CDH13: variants seen among roughly 807,000 people sequenced by gnomAD.
CDH13 encodes the protein cadherin-13.
CDH13 carries 24 observed loss-of-function variants against 63.8 expected under a neutral mutation model. That is an observed-to-expected ratio of 0.38 (90% CI 0.27 to 0.53). The LOEUF (loss-of-function observed/expected upper bound fraction) is 0.53. CDH13 is among the 20% of genes least tolerant of loss of function. The pLI is 0.85. For missense variants in CDH13, 1,049 were observed against 903.1 expected (o/e 1.16, Z -2.07); for synonymous variants, 503 against 355.3 (o/e 1.42, Z -4.67).
At chr16:83,579,118 C>A (rs118005627) in intron 7 of CDH13, among the ~76,000 whole-genome samples, 2,963 of 152,240 alleles carry the variant, frequency 0.019, 173 homozygotes, top group Admixed American at 0.13. Context: ...TTGTCCAGGC[C>A]CACAGTAAGA....
chr16:82,976,473 C>G (rs1002473946), intron 2 of CDH13, among the ~76,000 whole-genome samples: 1 of 152,186 alleles, frequency 6.6e-6, no homozygotes, highest in African/African-American at 2.4e-5. Flanking sequence ...ATCTTAGATG[C>G]TTTTCCAGTT....
chr16:83,223,749 T>A (rs2039767886), intron 5 of CDH13, among the ~76,000 whole-genome samples: 2 of 152,166 alleles, frequency 1.3e-5, no homozygotes, highest in South Asian at 4.1e-4. Context: ...TAGTTTTTAG[T>A]TTTTCCAGCT....
At chr16:83,405,760 C>T (rs2151448842) in intron 6 of CDH13, among the ~76,000 whole-genome samples, 1 of 152,336 alleles carries the variant, frequency 6.6e-6, no homozygotes, top group South Asian at 2.1e-4. Flanking sequence ...TCTAATTTTT[C>T]ACAGGCATAT....
chr16:82,837,702 C>G (rs1403502191), intron 1 of CDH13, among the ~76,000 whole-genome samples: 1 of 152,182 alleles, frequency 6.6e-6, no homozygotes, highest in Admixed American at 6.5e-5. Context: ...TCACTGGAGG[C>G]TCAGTGCCCG....
At position 83,779,953 on chromosome 16, in the gene CDH13, C is replaced by A. The variant is rs1464154746; in HGVS notation, c.1682-15C>A. 4 of 1,586,096 alleles carry A rather than the reference C, an allele frequency of 2.5e-6. No individual in the cohort carries two copies. The highest frequency in any genetic ancestry group is 3.5e-6 in the Non-Finnish European group (4 of 1,156,404). ...TATACCAGTTGCATACCAACATCTT[C>A]CCTTTTTCCCACAGGCAACCCTCCC... is the stretch of plus-strand genomic sequence containing the variant. On this transcript the variant is annotated splice_polypyrimidine_tract_variant and intron_variant, in intron 11 of 13. Coordinates refer to ENST00000567109, the MANE Select transcript of CDH13 (RefSeq NM_001257.5).
At chr16:83,000,593 TTTG>T (rs1485602632) in intron 2 of CDH13, among the ~76,000 whole-genome samples, 2 of 148,924 alleles carry the variant, frequency 1.3e-5, no homozygotes, top group African/African-American at 4.9e-5. Context: ...TTTTTTTTGT[TTTG>T]TTTTGTTTTT....
chr16:82,945,339 C>T (rs544785799), intron 2 of CDH13, among the ~76,000 whole-genome samples: 2 of 152,232 alleles, frequency 1.3e-5, no homozygotes, highest in Admixed American at 6.5e-5. Context: ...TCAGATTTGG[C>T]TCTTGGACCA....
At chr16:83,611,595 T>TA (rs1391992280) in intron 8 of CDH13, among the ~76,000 whole-genome samples, 2 of 151,998 alleles carry the variant, frequency 1.3e-5, no homozygotes, top group African/African-American at 4.8e-5. Context: ...AACCCCTCCC[T>TA]AGAAATGATA....
chr16:83,245,829 A>T (rs1292757729), intron 5 of CDH13, among the ~76,000 whole-genome samples: 3 of 151,782 alleles, frequency 2.0e-5, no homozygotes, highest in South Asian at 2.1e-4. Context: ...TGCAGCCAAG[A>T]CCTCCCTGGC....
chr16:82,963,771 G>T (rs1231358469), intron 2 of CDH13, among the ~76,000 whole-genome samples: 2 of 152,192 alleles, frequency 1.3e-5, no homozygotes, highest in African/African-American at 4.8e-5. Context: ...TGACATGCAT[G>T]AAGTACCCAT....
chr16:82,718,638 G>A (rs2032552076), intron 1 of CDH13, among the ~76,000 whole-genome samples: 1 of 152,180 alleles, frequency 6.6e-6, no homozygotes, highest in Non-Finnish European at 1.5e-5. Flanking sequence ...GTGCTGGGGA[G>A]GCCTGGCAAT....
At chr16:83,277,033 C>G (rs1243578347) in intron 5 of CDH13, among the ~76,000 whole-genome samples, 2 of 152,124 alleles carry the variant, frequency 1.3e-5, no homozygotes, top group African/African-American at 4.8e-5. Flanking sequence ...TTACCCCCCA[C>G]CAGGTCTCTC....
intron 11 of CDH13, among the ~76,000 whole-genome samples, chr16:83,755,510 C>A (rs1327286076): frequency 6.6e-6 from 1 of 152,082 alleles, no homozygotes; most frequent in African/African-American, 2.4e-5. Context: ...ACACTGAAAT[C>A]AAACTGATGA....
chr16:83,542,468 G>A (rs1314730879), intron 7 of CDH13, among the ~76,000 whole-genome samples: 4 of 152,168 alleles, frequency 2.6e-5, no homozygotes, highest in Non-Finnish European at 4.4e-5. Context: ...GACCAATAAC[G>A]TGCATTTCTC....
At chr16:82,945,511 A>C (rs1477549717) in intron 2 of CDH13, among the ~76,000 whole-genome samples, 1 of 152,166 alleles carries the variant, frequency 6.6e-6, no homozygotes, top group African/African-American at 2.4e-5. Context: ...ACGAGGATGG[A>C]AGAACAATAA....
intron 4 of CDH13, among the ~76,000 whole-genome samples, chr16:83,196,277 A>T (rs905781028): frequency 1.3e-5 from 2 of 152,078 alleles, no homozygotes. Flanking sequence ...AAAAACAAAA[A>T]CAGAAAATGT....
chr16:82,722,033 G>A (rs1021163540), intron 1 of CDH13, among the ~76,000 whole-genome samples: 5 of 152,194 alleles, frequency 3.3e-5, no homozygotes, highest in African/African-American at 7.2e-5. Context: ...TGGGCCCATC[G>A]GGAGGCAGGG....
chr16:82,969,676 A>G (rs1908410493), intron 2 of CDH13, among the ~76,000 whole-genome samples: 1 of 152,084 alleles, frequency 6.6e-6, no homozygotes, highest in South Asian at 2.1e-4. Flanking sequence ...GCAGCACTGC[A>G]GTCATGACAA....
intron 5 of CDH13, among the ~76,000 whole-genome samples, chr16:83,329,327 G>A (rs528871752): frequency 9.2e-5 from 14 of 152,206 alleles, no homozygotes; most frequent in African/African-American, 3.4e-4. Context: ...CTAGGTTCAA[G>A]TGATTCTCCC....
Sources: gnomAD v4.1 joint callset for allele counts (sites outside exome capture counted in the v4.1 genomes callset) on GRCh38, gnomAD v4.1.1 for gene constraint, MANE v1.5 for transcripts, NCBI Gene and HGNC (gene_info 2026-07-23, HGNC 2026-07-21) for gene names.